Variants in KCNIP4 observed in about 807,000 individuals in gnomAD.
The protein encoded by KCNIP4 is potassium voltage-gated channel interacting protein 4.
Under a neutral mutation model 34.0 loss-of-function variants are expected in KCNIP4, and 12 were observed. The observed-to-expected ratio is 0.35, with a 90% confidence interval of 0.23 to 0.57. KCNIP4 has a LOEUF of 0.57. Among genes scored for constraint, KCNIP4 ranks in the 20% least tolerant of loss-of-function variants. The pLI is 0.83. For missense variants in KCNIP4, 238 were observed against 311.7 expected, an observed-to-expected ratio of 0.76 and a Z score of 1.78; for synonymous variants, 124 against 102.2, an observed-to-expected ratio of 1.21 and a Z score of -1.29.
chr4:21,108,087 G>T (rs1273888955), intron 1 of KCNIP4, among the ~76,000 whole-genome samples: 1 of 151,286 alleles, frequency 6.6e-6, no homozygotes, highest in Non-Finnish European at 1.5e-5. Context: ...TCTTGGAGTT[G>T]CTCTTCTTGA....
chr4:21,910,391 C>T (rs1728236426), intron 1 of KCNIP4, among the ~76,000 whole-genome samples: 5 of 152,120 alleles, frequency 3.3e-5, no homozygotes, highest in Non-Finnish European at 5.9e-5. Context: ...CATGATTTCT[C>T]ATGAAATTCT....
intron 1 of KCNIP4, among the ~76,000 whole-genome samples, chr4:21,365,522 TAAAAAATAAAGAAAG>T (rs150918245): frequency 0.049 from 5,576 of 113,308 alleles, 325 homozygotes; most frequent in African/African-American, 0.17. Context: ...AATAAATAAA[TAAAAAATAAAGAAAG>T]AAAAGAAAAA....
At chr4:21,937,439 C>G (rs1018352445) in intron 1 of KCNIP4, among the ~76,000 whole-genome samples, 9 of 152,058 alleles carry the variant, frequency 5.9e-5, no homozygotes, top group Non-Finnish European at 1.0e-4. Flanking sequence ...ACCGCCTCCT[C>G]ATGATATCCC....
chr4:21,468,930 C>G (rs1258157954), intron 1 of KCNIP4, among the ~76,000 whole-genome samples: 1 of 152,172 alleles, frequency 6.6e-6, no homozygotes, highest in South Asian at 2.1e-4. Context: ...TGTTTACACA[C>G]AGCAGTGATT....
chr4:20,825,199 T>A (rs1204632533), intron 3 of KCNIP4, among the ~76,000 whole-genome samples: 2 of 148,336 alleles, frequency 1.3e-5, no homozygotes, highest in Non-Finnish European at 3.0e-5. Context: ...TTATTTTCAA[T>A]AAAGGATTGA....
chr4:21,510,078 CAAAAA>C (rs759477091), intron 1 of KCNIP4, among the ~76,000 whole-genome samples: 3 of 65,230 alleles, frequency 4.6e-5, no homozygotes, highest in African/African-American at 6.0e-5. Flanking sequence ...ACTCCATCTC[CAAAAA>C]AAAAAAAAAA....
At chr4:21,135,856 C>T (rs28713553) in intron 1 of KCNIP4, among the ~76,000 whole-genome samples, 6 of 151,904 alleles carry the variant, frequency 3.9e-5, no homozygotes, top group Non-Finnish European at 4.4e-5. Context: ...TTTTGAAATG[C>T]GGGAAATCAT....
chr4:21,644,421 A>G (rs1746858346), intron 1 of KCNIP4, among the ~76,000 whole-genome samples: 1 of 152,208 alleles, frequency 6.6e-6, no homozygotes, highest in Non-Finnish European at 1.5e-5. Flanking sequence ...AGTGATGCAT[A>G]TCTTGAGGGG....
At chr4:21,081,725 A>G (rs1408806496) in intron 1 of KCNIP4, among the ~76,000 whole-genome samples, 1 of 151,998 alleles carries the variant, frequency 6.6e-6, no homozygotes, top group Non-Finnish European at 1.5e-5. Context: ...CATATGCATT[A>G]TATGCCAAAT....
chr4:21,125,751 A>T (rs1016232687), intron 1 of KCNIP4, among the ~76,000 whole-genome samples: 1 of 152,160 alleles, frequency 6.6e-6, no homozygotes, highest in Non-Finnish European at 1.5e-5. Flanking sequence ...CAGGCCTCCA[A>T]CATAATAGTT....
chr4:21,165,590 T>G (rs1753574367), intron 1 of KCNIP4, among the ~76,000 whole-genome samples: 1 of 152,032 alleles, frequency 6.6e-6, no homozygotes, highest in South Asian at 2.1e-4. Flanking sequence ...ATGATACAAC[T>G]TCTAGAAAAC....
At chr4:21,321,745 G>A (rs1714456059) in intron 1 of KCNIP4, among the ~76,000 whole-genome samples, 1 of 150,466 alleles carries the variant, frequency 6.6e-6, no homozygotes, top group Non-Finnish European at 1.5e-5. Context: ...GGAGAAGTGG[G>A]GAAGGAGGGA....
intron 1 of KCNIP4, among the ~76,000 whole-genome samples, chr4:21,525,921 A>C (rs1057267536): frequency 6.6e-6 from 1 of 152,154 alleles, no homozygotes; most frequent in African/African-American, 2.4e-5. Context: ...AATTTTATTG[A>C]GCTTATAAAC....
chr4:21,110,180 C>G (rs1749030954), intron 1 of KCNIP4, among the ~76,000 whole-genome samples: 1 of 152,154 alleles, frequency 6.6e-6, no homozygotes, highest in Admixed American at 6.5e-5. Context: ...AGATTTAGGA[C>G]TTTCATTTTA....
At chr4:21,429,341 A>T (rs1726227597) in intron 1 of KCNIP4, among the ~76,000 whole-genome samples, 1 of 152,126 alleles carries the variant, frequency 6.6e-6, no homozygotes, top group Non-Finnish European at 1.5e-5. Context: ...TTAGCACTGA[A>T]TAATATTCCA....
At chr4:21,235,081 A>G (rs1390822307) in intron 1 of KCNIP4, among the ~76,000 whole-genome samples, 1 of 152,206 alleles carries the variant, frequency 6.6e-6, no homozygotes, top group Non-Finnish European at 1.5e-5. Flanking sequence ...AAAGTAGTCA[A>G]TATAATGACT....
intron 1 of KCNIP4, among the ~76,000 whole-genome samples, chr4:21,327,916 T>G (rs2109316826): frequency 6.6e-6 from 1 of 152,162 alleles, no homozygotes; most frequent in Admixed American, 6.6e-5. Flanking sequence ...ATTATTTCAA[T>G]ATATTTGTTA....
At chr4:21,416,519 G>A (rs1318978901) in intron 1 of KCNIP4, among the ~76,000 whole-genome samples, 1 of 152,114 alleles carries the variant, frequency 6.6e-6, no homozygotes, top group Non-Finnish European at 1.5e-5. Context: ...GGAACAAGTG[G>A]CAATTACTTT....
At chr4:21,101,022 C>T (rs549900373) in intron 1 of KCNIP4, among the ~76,000 whole-genome samples, 192 of 152,206 alleles carry the variant, frequency 1.3e-3, no homozygotes, top group Middle Eastern at 6.8e-3. Context: ...GCACATATTG[C>T]GTAGTGGTGA....
Sources: allele counts gnomAD v4.1 joint callset (sites outside exome capture counted in the v4.1 genomes callset), GRCh38; gene constraint gnomAD v4.1.1; transcripts MANE v1.5; gene names NCBI Gene and HGNC (gene_info 2026-07-23, HGNC 2026-07-21).